The following RGPD2 variants were observed in gnomAD, a reference collection of about 807,000 sequenced individuals.
RGPD2 encodes the protein RANBP2-like and GRIP domain-containing protein 2.
RGPD2 carries 2 observed loss-of-function variants against 36.0 expected under a neutral mutation model. The observed-to-expected ratio is 0.06, with a 90% CI of 0.02 to 0.17. The LOEUF is 0.17. Among genes scored for constraint, RGPD2 ranks in the 10% least tolerant of loss-of-function variants. The probability of loss-of-function intolerance (pLI) is 1.00; values close to 1 mark genes in which losing one functional copy is unlikely to be tolerated. For missense variants in RGPD2, 40 were observed against 464.3 expected (o/e 0.09, Z 8.40); for synonymous variants, 19 against 163.8 (o/e 0.12, Z 6.75).
At chr2:87,988,904 C>T in the RGPD2 span, among the ~76,000 whole-genome samples, 2 of 152,044 alleles carry the variant, frequency 1.3e-5, no homozygotes, top group African/African-American at 4.8e-5. Flanking sequence ...GGGAACAGAA[C>T]TAGCACATCC....
chr2:87,776,366 GCATCCATC>G (rs1465139491), intron 20 of RGPD2, among the ~76,000 whole-genome samples: 1 of 94,162 alleles, frequency 1.1e-5, no homozygotes, highest in African/African-American at 3.6e-5. Context: ...TACTTAATAA[GCATCCATC>G]CATCCATCTC....
chr2:87,853,715 T>C, the RGPD2 span, among the ~76,000 whole-genome samples: 26 of 151,210 alleles, frequency 1.7e-4, 1 homozygote, highest in African/African-American at 6.1e-4. Context: ...AGCCTAATTA[T>C]ATTTTGCTTT....
the RGPD2 span, among the ~76,000 whole-genome samples, chr2:87,986,521 T>C: frequency 7.2e-4 from 110 of 152,156 alleles, 1 homozygote; most frequent in African/African-American, 2.6e-3. Context: ...TTTACATCCA[T>C]TGCCCAGCAA....
At chr2:87,887,415 A>G in the RGPD2 span, among the ~76,000 whole-genome samples, 3 of 151,606 alleles carry the variant, frequency 2.0e-5, no homozygotes, top group Non-Finnish European at 4.4e-5. Flanking sequence ...TTAGGAATAT[A>G]ATGTACCTAG....
the RGPD2 span, among the ~76,000 whole-genome samples, chr2:87,932,723 C>A: frequency 6.6e-6 from 1 of 151,992 alleles, no homozygotes; most frequent in Admixed American, 6.6e-5. Flanking sequence ...TTAGTTTGGC[C>A]AGATATAAAA....
At chr2:87,883,754 A>G in the RGPD2 span, among the ~76,000 whole-genome samples, 1 of 152,130 alleles carries the variant, frequency 6.6e-6, no homozygotes, top group African/African-American at 2.4e-5. Flanking sequence ...ATAAGGAGGA[A>G]CTAACAATTA....
At chr2:87,875,943 A>G in the RGPD2 span, among the ~76,000 whole-genome samples, 43 of 151,408 alleles carry the variant, frequency 2.8e-4, no homozygotes, top group East Asian at 7.2e-3. Flanking sequence ...TCCTTGGTAG[A>G]TTGTATGTGT....
intron 1 of RGPD2, among the ~76,000 whole-genome samples, chr2:87,822,628 C>T (rs1370709142): frequency 4.9e-5 from 1 of 20,372 alleles, no homozygotes. Context: ...GGCATGGTGG[C>T]GCACACCCGT....
the RGPD2 span, among the ~76,000 whole-genome samples, chr2:87,895,137 A>G: frequency 1.3e-5 from 2 of 151,830 alleles, no homozygotes; most frequent in African/African-American, 4.8e-5. Flanking sequence ...GTAACCCTAG[A>G]TATATAATGG....
chr2:87,847,521 A>C, the RGPD2 span, among the ~76,000 whole-genome samples: 1 of 143,914 alleles, frequency 6.9e-6, no homozygotes, highest in Admixed American at 7.0e-5. Flanking sequence ...TTTTTTTGAG[A>C]CGAAGTCTCA....
the RGPD2 span, among the ~76,000 whole-genome samples, chr2:87,973,934 T>C: frequency 6.6e-6 from 1 of 151,892 alleles, no homozygotes; most frequent in African/African-American, 2.4e-5. Flanking sequence ...CTGGTTATTA[T>C]TTTTGAACAT....
chr2:87,818,019 CT>C (rs1195727142), intron 2 of RGPD2, among the ~76,000 whole-genome samples: 4 of 103,206 alleles, frequency 3.9e-5, no homozygotes, highest in African/African-American at 6.5e-5. Flanking sequence ...CAGATACTGA[CT>C]AAAAAAAAAA....
At chr2:87,857,396 G>T in the RGPD2 span, among the ~76,000 whole-genome samples, 1,051 of 151,726 alleles carry the variant, frequency 6.9e-3, 6 homozygotes, top group African/African-American at 0.025. Context: ...AGGCTGGGGT[G>T]CAGTGGTGCA....
At chr2:87,972,719 C>T in the RGPD2 span, 1 of 1,609,816 alleles carries the variant, frequency 6.2e-7, no homozygotes. Context: ...GGCGCCGCAA[C>T]AGCAGCTTCG....
chr2:87,936,237 T>A, the RGPD2 span, among the ~76,000 whole-genome samples: 1 of 151,716 alleles, frequency 6.6e-6, no homozygotes, highest in Non-Finnish European at 1.5e-5. Flanking sequence ...ATTTTCCATA[T>A]GAATGTTAAA....
the RGPD2 span, chr2:87,985,928 A>G: frequency 2.6e-6 from 4 of 1,552,122 alleles, no homozygotes; most frequent in Admixed American, 7.2e-5. Flanking sequence ...TTAAAAGCAA[A>G]GATTAATTTT....
At chr2:87,864,057 T>C in the RGPD2 span, among the ~76,000 whole-genome samples, 1 of 152,016 alleles carries the variant, frequency 6.6e-6, no homozygotes, top group Admixed American at 6.6e-5. Context: ...TTGTTATGGT[T>C]CATTTAATGT....
At chr2:87,978,207 C>T in the RGPD2 span, among the ~76,000 whole-genome samples, 1 of 151,854 alleles carries the variant, frequency 6.6e-6, no homozygotes, top group Admixed American at 6.6e-5. Flanking sequence ...AAGCCACATT[C>T]TAAGGGAAAA....
At chr2:87,825,865 G>C (rs1199744564), upstream of RGPD2, 5 of 1,121,924 alleles carry the variant, frequency 4.5e-6, no homozygotes, top group African/African-American at 1.6e-5. Context: ...TGTGTACTGC[G>C]TCAGCACTGT....
Sources: gnomAD v4.1 joint callset for allele counts (sites outside exome capture counted in the v4.1 genomes callset) on GRCh38, gnomAD v4.1.1 for gene constraint, MANE v1.5 for transcripts, NCBI Gene and HGNC (gene_info 2026-07-23, HGNC 2026-07-21) for gene names.